The following C2orf42 variants were observed in gnomAD, a reference collection of about 807,000 sequenced individuals.
The protein encoded by C2orf42 is chromosome 2 open reading frame 42, also known as uncharacterized protein C2orf42.
C2orf42 carries 44 observed loss-of-function variants against 58.9 expected under a neutral mutation model. The observed-to-expected ratio is 0.75, with a 90% CI of 0.59 to 0.96. The LOEUF is 0.96. Ranked by LOEUF, C2orf42 falls within the 40% of genes least tolerant of loss-of-function variation. C2orf42 has a pLI of 0.00. For missense variants in C2orf42, 630 were observed against 699.2 expected (o/e 0.90, Z 1.12); for synonymous variants, 239 against 265.4 (o/e 0.90, Z 0.97).
chr2:70,163,205 A>G (rs1443239007), intron 8 of C2orf42, among the ~76,000 whole-genome samples: 2 of 150,974 alleles, frequency 1.3e-5, no homozygotes, highest in Non-Finnish European at 2.9e-5. Flanking sequence ...TAGGAAAAAA[A>G]ACTCCATCTC....
intron 7 of C2orf42, 135 bp downstream of exon 7, chr2:70,165,393 A>G (rs1673329930): frequency 1.6e-6 from 1 of 643,752 alleles, no homozygotes; most frequent in Non-Finnish European, 2.8e-6. Context: ...TGATCATTGA[A>G]GGCTTTGTGC....
Position 70,177,392 on chromosome 2 carries a change from A to T in C2orf42, c.935-1615T>A, listed in dbSNP as rs538685024. On this transcript the variant is annotated intron_variant, in intron 4 of 9. Transcript: ENST00000264434. The stretch of plus-strand genomic sequence containing the variant: ...GAGGTGGAGGTTGCAGTGAGCCAAG[A>T]TCACGCCACTGCACAATCCAGAGCA... Among the ~76,000 whole-genome samples, 10 of 152,286 alleles carry T rather than the reference A, an allele frequency of 6.6e-5. No individual in the cohort carries two copies. In the East Asian group the frequency reaches 1.3e-3, roughly 21 times the overall value.
chr2:70,189,956 A>G (rs892007651), intron 1 of C2orf42, among the ~76,000 whole-genome samples: 18 of 151,862 alleles, frequency 1.2e-4, no homozygotes, highest in Non-Finnish European at 2.2e-4. Flanking sequence ...AAAAAAAAAG[A>G]CGAGAGATAC....
chr2:70,173,976 A>G (rs7578027), intron 5 of C2orf42, among the ~76,000 whole-genome samples: 33,211 of 152,076 alleles, frequency 0.22, 3,928 homozygotes, highest in Non-Finnish European at 0.24. Context: ...ATCCTGCAAG[A>G]CACCTGCTGC....
intron 1 of C2orf42, among the ~76,000 whole-genome samples, chr2:70,186,079 G>C (rs1470526338): frequency 6.6e-6 from 1 of 150,890 alleles, no homozygotes; most frequent in African/African-American, 2.4e-5. Flanking sequence ...CACTGATGTA[G>C]AGTCATTAGC....
In C2orf42 at chr2:70,160,756, T is replaced by C. The variant is rs996046674; in HGVS notation, c.1385A>G (p.Gln462Arg). The change falls in exon 9 of 10, where the codon CAG (glutamine) becomes CGG (arginine). Residue 462 changes from glutamine to arginine, a missense_variant. By Grantham distance (43) the Gln-to-Arg change is conservative. Transcript: ENST00000264434. ...MPLEITRSFI[Q>R]NRDGTYELFK... ...TAGCTCATAAGTCCCATCTCGGTTC[T>C]GGATAAAGCTACGGGTGATTTCCAA... is the stretch of plus-strand genomic sequence containing the variant. 6.2e-7 allele frequency: 1 copy of C among 1,609,120 alleles called. No individual in the cohort carries two copies. Among genetic ancestry groups the C allele is most frequent in the South Asian group, 1.1e-5 (1 of 90,156 alleles).
At chr2:70,190,890 C>G (rs940956970) in intron 1 of C2orf42, 83 bp downstream of exon 1, 1 of 152,492 alleles carries the variant, frequency 6.6e-6, no homozygotes, top group South Asian at 2.1e-4. Context: ...ACCGCCGCCC[C>G]GGTCCTTGCT....
chr2:70,160,889 T>A, intron 8 of C2orf42, 102 bp from the exon 9 acceptor site: 1 of 734,704 alleles, frequency 1.4e-6, no homozygotes, highest in Non-Finnish European at 2.1e-6. Flanking sequence ...TCTTTCTTGT[T>A]AAGTATATTC....
At chr2:70,157,767 C>T (rs547418321) in intron 9 of C2orf42, among the ~76,000 whole-genome samples, 1 of 150,828 alleles carries the variant, frequency 6.6e-6, no homozygotes, top group Admixed American at 6.6e-5. Context: ...ACTGCACTCC[C>T]GCCTGGGTGA....
At chr2:70,182,033 C>A in intron 2 of C2orf42, 36 bp from the exon 3 acceptor site, 3 of 905,692 alleles carry the variant, frequency 3.3e-6, no homozygotes, top group Non-Finnish European at 1.7e-6. Flanking sequence ...TATGAGTATA[C>A]CTTCACACAC....
chr2:70,166,693 A>G (rs1203767632), intron 6 of C2orf42, among the ~76,000 whole-genome samples: 1 of 151,952 alleles, frequency 6.6e-6, no homozygotes, highest in Non-Finnish European at 1.5e-5. Context: ...GAAAAAAGAC[A>G]ATGAAAAAAC....
rs1673652970 is a variant in C2orf42 at position 70,169,581 on chromosome 2, G to T, written c.1120C>A (p.Gln374Lys). 1 of 1,598,092 alleles carries T rather than the reference G, an allele frequency of 6.3e-7. No homozygotes were observed. The highest frequency in any genetic ancestry group is 8.6e-7 in the Non-Finnish European group (1 of 1,165,664). Residue 374 changes from glutamine to lysine, a missense_variant, in exon 6 of 10, where the codon CAA becomes AAA. Coordinates refer to ENST00000264434, the MANE Select transcript of C2orf42 (RefSeq NM_017880.3). ...CCATCAAACTGATAGTGCATGGTTT[G>T]ATGGATGCGTTCTGTGACACTGGCC... is the stretch of plus-strand genomic sequence containing the variant. The part of the protein sequence containing the change: ...WLASVTERIH[Q>K]TMHYQFDGKP...
At chr2:70,155,106 T>C (rs973087458) in intron 9 of C2orf42, among the ~76,000 whole-genome samples, 1 of 151,966 alleles carries the variant, frequency 6.6e-6, no homozygotes, top group African/African-American at 2.4e-5. Context: ...TAGCTGGGCA[T>C]GATGGCACAG....
intron 9 of C2orf42, among the ~76,000 whole-genome samples, chr2:70,158,757 T>C (rs1345982316): frequency 6.6e-6 from 1 of 151,996 alleles, no homozygotes; most frequent in Non-Finnish European, 1.5e-5. Flanking sequence ...CACGCCTGGC[T>C]AATTTTTGTA....
chr2:70,183,079 G>GT (rs1433229689), intron 1 of C2orf42, 144 bp from the exon 2 acceptor site: 3 of 152,190 alleles, frequency 2.0e-5, no homozygotes, highest in African/African-American at 4.8e-5. Flanking sequence ...TGGGTTAAGT[G>GT]TTTTGTACTT....
At chr2:70,161,832 G>A (rs1456611645) in intron 8 of C2orf42, among the ~76,000 whole-genome samples, 1 of 134,694 alleles carries the variant, frequency 7.4e-6, no homozygotes, top group African/African-American at 3.0e-5. Flanking sequence ...AAGAGTGAAA[G>A]TCCGTGTCAA....
At chr2:70,179,388 G>T (rs376560027) in intron 4 of C2orf42, 144 bp downstream of exon 4, 8 of 319,930 alleles carry the variant, frequency 2.5e-5, no homozygotes, top group African/African-American at 1.5e-4. Context: ...GGGCAAGATG[G>T]TAAGACCCCT....
At chr2:70,188,006 T>G (rs1225732479) in intron 1 of C2orf42, among the ~76,000 whole-genome samples, 2 of 152,072 alleles carry the variant, frequency 1.3e-5, no homozygotes, top group African/African-American at 4.8e-5. Context: ...TTGGCTTTTA[T>G]AGGAAAGCTA....
chr2:70,181,124 T>A, intron 3 of C2orf42, 39 bp downstream of exon 3: 2 of 1,265,844 alleles, frequency 1.6e-6, no homozygotes, highest in Non-Finnish European at 2.2e-6. Context: ...CATTGCAGTT[T>A]TAGAAAAACG....
Sources: gnomAD v4.1 joint callset for allele counts (sites outside exome capture counted in the v4.1 genomes callset) on GRCh38, gnomAD v4.1.1 for gene constraint, MANE v1.5 for transcripts, NCBI Gene and HGNC (gene_info 2026-07-23, HGNC 2026-07-21) for gene names.